The following EMILIN1 variants were observed in gnomAD, a reference collection of about 807,000 sequenced individuals.
EMILIN1 encodes the protein EMILIN-1.
In EMILIN1, 49 loss-of-function variants were observed where a neutral mutation model predicts 82.4. The ratio of observed to expected loss-of-function variants is 0.59; its 90% CI spans 0.47 to 0.75. The LOEUF (loss-of-function observed/expected upper bound fraction) is 0.75. Ranked by LOEUF, EMILIN1 falls within the 30% of genes least tolerant of loss-of-function variation. The pLI is 0.00. For synonymous variants in EMILIN1, 604 were observed against 602.2 expected, an observed-to-expected ratio of 1.00 and a Z score of -0.04; for missense variants, 1,313 against 1,366.4, an observed-to-expected ratio of 0.96 and a Z score of 0.62.
In EMILIN1 at chr2:27,086,202, G is replaced by A. The variant is rs1669633528; in HGVS notation, c.*187G>A. On this transcript the variant is annotated 3_prime_UTR_variant, in exon 8 of 8. Transcript: ENST00000380320. ...CGCCGGCTCAGGGAGGCTCGGGGCC[G>A]CCCATGCAGACTTTTGGCCTGGCGC... The A allele has an allele frequency of 5.0e-6, 2 of 398,320 alleles. No homozygotes were observed. Among genetic ancestry groups the A allele is most frequent in the Admixed American group, 4.5e-5 (1 of 22,150 alleles). 24.7% of individuals were successfully genotyped at this position (398,320 alleles called of 1,614,324 possible).
intron 1 of EMILIN1, among the ~76,000 whole-genome samples, 163 bp from the exon 2 acceptor site, chr2:27,079,988 A>C (rs555409313): frequency 6.6e-6 from 1 of 152,342 alleles, no homozygotes; most frequent in African/African-American, 2.4e-5. Context: ...TACACAGGAA[A>C]GCGTGGGGGA....
At chr2:27,079,639 G>A (rs1175120611) in intron 1 of EMILIN1, among the ~76,000 whole-genome samples, 2 of 152,240 alleles carry the variant, frequency 1.3e-5, no homozygotes, top group Non-Finnish European at 2.9e-5. Flanking sequence ...GCCAGACACA[G>A]ATCAGAGGCC....
Position 27,084,441 on chromosome 2 carries a change from GGGCCTCC to G in EMILIN1, c.2468_2474del (p.Gly823ValfsTer53), listed in dbSNP as rs1669553381. The G allele has an allele frequency of 6.2e-7, 1 of 1,611,670 alleles. No homozygotes were observed. Among genetic ancestry groups the G allele is most frequent in the Non-Finnish European group, 8.5e-7 (1 of 1,179,158 alleles). On this transcript the variant is annotated frameshift_variant, in exon 5 of 8. Transcript: ENST00000380320. LOFTEE classifies it high-confidence loss of function. ...GCCTGCAGGAGAGGCTGGGCCCCCAGGGCCTCCTGGGCTGCAGGGACCCCCAGGCCCT... is the reference window on the plus strand; with the variant it reads ...GCCTGCAGGAGAGGCTGGGCCCCCAGTGGGCTGCAGGGACCCCCAGGCCCT...
rs956324530 is a variant in EMILIN1 at position 27,086,149 on chromosome 2, A to G, written c.*134A>G. ...CCGGGCCCGCAGCGGCACCGCGCCC[A>G]GAGCGGCCTCTCCCCACGCCCGGGG... On this transcript the variant is annotated 3_prime_UTR_variant, in exon 8 of 8. Transcript: ENST00000380320. 137 of 628,118 alleles carry G rather than the reference A, an allele frequency of 2.2e-4. No homozygotes were observed. Among genetic ancestry groups the G allele is most frequent in the Non-Finnish European group, 2.9e-4 (123 of 428,956 alleles). The allele number at this position is 628,118 out of a possible 1,614,324, so 38.9% of individuals were successfully genotyped here.
intron 4 of EMILIN1, among the ~76,000 whole-genome samples, 167 bp from the exon 5 acceptor site, chr2:27,084,248 C>A (rs1216842422): frequency 1.3e-5 from 2 of 152,176 alleles, no homozygotes; most frequent in Admixed American, 6.5e-5. Flanking sequence ...GTTGCTCTGC[C>A]AGCCAGGGAT....
Position 27,085,659 on chromosome 2 carries a change from C to G in EMILIN1, c.2714-19C>G, listed in dbSNP as rs777418632. The G allele has an allele frequency of 1.8e-5, 29 of 1,581,698 alleles. No homozygotes were observed. Among genetic ancestry groups the G allele is most frequent in the Admixed American group, 6.8e-5 (4 of 58,796 alleles). On this transcript the variant is annotated intron_variant, in intron 7 of 7. Coordinates refer to ENST00000380320, the MANE Select transcript of EMILIN1 (RefSeq NM_007046.4). ...CCCGGAGCTTCCCTGGCCCCCCTGA[C>G]TGCTATCCTTGTCCCCAGGCGTGTT... is the stretch of plus-strand genomic sequence containing the variant.
chr2:27,079,461 A>G (rs575630165), intron 1 of EMILIN1, among the ~76,000 whole-genome samples: 1 of 152,190 alleles, frequency 6.6e-6, no homozygotes, highest in African/African-American at 2.4e-5. Flanking sequence ...CACATGCCCC[A>G]GGGAAGCTGC....
Position 27,084,998 on chromosome 2 carries a change from A to G in EMILIN1, c.2565A>G (p.Gln855=), listed in dbSNP as rs781690710. 2.5e-6 allele frequency: 4 copies of G among 1,614,020 alleles called. No homozygotes were observed. Among genetic ancestry groups the G allele is most frequent in the Admixed American group, 1.7e-5 (1 of 60,026 alleles). The change falls in exon 6 of 8, where the codon CAA becomes CAG. Residue 855 remains glutamine, a synonymous_variant. Coordinates refer to ENST00000380320, the MANE Select transcript of EMILIN1 (RefSeq NM_007046.4). ...CCTTTCCTCTTCTCACAGGTCCTCAAGGTGAACAGGGTGAGTGCCTTTCAT... is the reference window on the plus strand; with the variant it reads ...CCTTTCCTCTTCTCACAGGTCCTCAGGGTGAACAGGGTGAGTGCCTTTCAT... ...QEGPIGPPGP[Q]GEQGVEGAPA... is the part of the protein sequence containing the mutation.
intron 4 of EMILIN1, 164 bp downstream of exon 4, chr2:27,084,175 T>C: frequency 1.1e-6 from 1 of 892,782 alleles, no homozygotes; most frequent in East Asian, 2.7e-5. Context: ...CAAGAGATGA[T>C]GCAAGGTCCT....
At position 27,083,794 on chromosome 2, in the gene EMILIN1, T is replaced by A; in HGVS notation, c.2223T>A (p.Ala741=). 3 of 1,603,996 alleles carry A rather than the reference T, an allele frequency of 1.9e-6. No individual in the cohort carries two copies. The highest frequency in any genetic ancestry group is 2.6e-6 in the Non-Finnish European group (3 of 1,171,944). Residue 741 remains alanine (A), a synonymous_variant, in exon 4 of 8, where the codon GCT becomes GCA. Coordinates refer to ENST00000380320, the MANE Select transcript of EMILIN1 (RefSeq NM_007046.4). ...EGVCERLDTV[A]GGLQGLREGL... ...TCTGTGAACGGTTGGACACTGTGGC[T>A]GGGGGACTGCAGGGCCTGCGCGAGG...
chr2:27,085,883 C>T lies in EMILIN1; in HGVS notation c.2919C>T (p.Leu973=), dbSNP rs767068405. ...PSPGTLGVFS[L]ILPLQAGDTV... ...CGGGCACCCTGGGCGTCTTCAGCCT[C>T]ATCCTGCCGCTGCAGGCCGGGGACA... Residue 973 remains leucine, a synonymous_variant, in exon 8 of 8, where the codon CTC becomes CTT. Transcript: ENST00000380320. 6 of 1,582,192 alleles carry T rather than the reference C, an allele frequency of 3.8e-6. No individual in the cohort carries two copies. In the Admixed American group the frequency reaches 7.1e-5, roughly 19 times the overall value.
rs1669488070 is a variant in EMILIN1 at position 27,082,179 on chromosome 2, G to A, written c.608G>A (p.Ser203Asn). 2 of 1,613,740 alleles carry A rather than the reference G, an allele frequency of 1.2e-6. No homozygotes were observed. Among genetic ancestry groups the A allele is most frequent in the Non-Finnish European group, 1.7e-6 (2 of 1,180,020 alleles). The change falls in exon 4 of 8, where the codon AGC becomes AAC. Residue 203 changes from serine (S) to asparagine (N), a missense_variant. By Grantham distance (46) the Ser-to-Asn change is conservative. Coordinates refer to ENST00000380320, the MANE Select transcript of EMILIN1 (RefSeq NM_007046.4). ...QGLRGVLQGL[S>N]GRLAEDVQRA... ...CTGCGGGGCGTCCTGCAAGGACTGA[G>A]CGGGCGCCTGGCAGAGGATGTGCAG...
In EMILIN1 at chr2:27,083,155, G is replaced by A; in HGVS notation, c.1584G>A (p.Arg528=). 4.4e-6 allele frequency: 7 copies of A among 1,601,546 alleles called. No individual in the cohort carries two copies. Among genetic ancestry groups the A allele is most frequent in the Non-Finnish European group, 6.0e-6 (7 of 1,172,988 alleles). ...CGGTGGAAGCAGCGGGGGAGGCCCG[G>A]CAGGCCACGCTGGAGGGATTACAAG... ...LHTVEAAGEA[R]QATLEGLQEV... is the part of the protein sequence containing the mutation. The change falls in exon 4 of 8, where the codon CGG becomes CGA. Residue 528 remains arginine (R), a synonymous_variant. Transcript: ENST00000380320.
rs902798111 is a variant in EMILIN1 at position 27,078,742 on chromosome 2, A to G, written c.-324A>G. 6.9e-6 allele frequency: 2 copies of G among 288,110 alleles called. No individual in the cohort carries two copies. Among genetic ancestry groups the G allele is most frequent in the African/African-American group, 4.4e-5 (2 of 45,756 alleles). The allele number at this position is 288,110 out of a possible 1,614,324, so 17.8% of individuals were successfully genotyped here. A position where few individuals can be genotyped will look rare whatever the true frequency, so the allele number is the denominator to read the frequency against. ...CGAGGGGGCGGACGCCCAGGAGGCA[A>G]CTTCTGAGACGCAGCTCCTGAGAGG... On this transcript the variant is annotated 5_prime_UTR_variant, in exon 1 of 8. Transcript: ENST00000380320.
In EMILIN1 at chr2:27,082,917, TG is replaced by T; in HGVS notation, c.1353del (p.Leu452CysfsTer5). 5.9e-6 allele frequency: 9 copies of T among 1,533,606 alleles called. No homozygotes were observed. The highest frequency in any genetic ancestry group is 2.6e-5 in the East Asian group (1 of 39,114). 95.0% of individuals were successfully genotyped at this position (1,533,606 alleles called of 1,614,324 possible). ...GCTGCCCGGGGCCGACTAGAGCAGTTGGGGGGGCTGCTGGCCAATGTGAGCG... is the reference window on the plus strand; with the variant it reads ...GCTGCCCGGGGCCGACTAGAGCAGTTGGGGGGCTGCTGGCCAATGTGAGCG... Reference protein sequence around the residue: ...LPAARGRLEQLGGLLANVSGE... With the variant: ...LPAARGRLEQXGGLLANVSGE... On this transcript the variant is annotated frameshift_variant, in exon 4 of 8. Transcript: ENST00000380320. LOFTEE classifies it high-confidence loss of function.
chr2:27,083,409 G>T lies in EMILIN1; in HGVS notation c.1838G>T (p.Gly613Val), dbSNP rs1454675511. The T allele has an allele frequency of 2.5e-6, 4 of 1,612,024 alleles. No individual in the cohort carries two copies. The African/African-American group carries it at 5.3e-5, about 22-fold the overall frequency. The change falls in exon 4 of 8, where the codon GGG (glycine) becomes GTG (valine). Residue 613 changes from glycine to valine, a missense_variant. By Grantham distance (109) the Gly-to-Val change is moderately radical. Coordinates refer to ENST00000380320, the MANE Select transcript of EMILIN1 (RefSeq NM_007046.4). ...SCPLLPPRGPGAGPGVGGPSR... is the reference protein window; with the variant it reads ...SCPLLPPRGPVAGPGVGGPSR... ...CCCCTGTTGCCTCCTCGGGGTCCTG[G>T]GGCTGGTCCAGGTGTTGGGGGCCCA...
chr2:27,082,763 C>G lies in EMILIN1; in HGVS notation c.1192C>G (p.Pro398Ala), dbSNP rs770845075. The G allele has an allele frequency of 5.7e-5, 88 of 1,539,214 alleles. No homozygotes were observed. The highest frequency in any genetic ancestry group is 6.7e-5 in the Non-Finnish European group (77 of 1,148,978). ...AGCCGCGGGGCAGGGAGGCCACCCCCCAGGCTACACCAGCTTGGCCTCCCG... is the reference window on the plus strand; with the variant it reads ...AGCCGCGGGGCAGGGAGGCCACCCCGCAGGCTACACCAGCTTGGCCTCCCG... ...GGAAGQGGHP[P>A]GYTSLASRLS... The change falls in exon 4 of 8, where the codon CCA (proline) becomes GCA (alanine). Residue 398 changes from proline (P) to alanine (A), a missense_variant. Coordinates refer to ENST00000380320, the MANE Select transcript of EMILIN1 (RefSeq NM_007046.4).
Position 27,080,867 on chromosome 2 carries a change from C to T in EMILIN1, c.426C>T (p.Ser142=), listed in dbSNP as rs867063838. 1 of 1,610,966 alleles carries T rather than the reference C, an allele frequency of 6.2e-7. No homozygotes were observed. The highest frequency in any genetic ancestry group is 8.5e-7 in the Non-Finnish European group (1 of 1,178,940). The change falls in exon 3 of 8, where the codon TCC becomes TCT. Residue 142 remains serine (S), a synonymous_variant. Coordinates refer to ENST00000380320, the MANE Select transcript of EMILIN1 (RefSeq NM_007046.4). ...SPAPALGPAS[S]TPRPLARPAR... ...CTCCAGCGCTGGGGCCTGCGTCTTC[C>T]ACACCACGGCCCCTGGCCCGGCCTG...
At chr2:27,080,297 C>T (rs749091063) in intron 2 of EMILIN1, 27 bp downstream of exon 2, 4 of 1,612,082 alleles carry the variant, frequency 2.5e-6, no homozygotes, top group East Asian at 2.2e-5. Flanking sequence ...GGCAACGGGC[C>T]CTTGGTGGGA....
Sources: allele counts gnomAD v4.1 joint callset (sites outside exome capture counted in the v4.1 genomes callset), GRCh38; gene constraint gnomAD v4.1.1; transcripts MANE v1.5; gene names NCBI Gene and HGNC (gene_info 2026-07-23, HGNC 2026-07-21).